Variants in PCLO observed in about 807,000 individuals in gnomAD.
The protein encoded by PCLO is protein piccolo.
A neutral mutation model predicts 427.5 loss-of-function variants in PCLO; 82 were observed. That is an observed-to-expected ratio of 0.19 (90% CI 0.16 to 0.23). The LOEUF is 0.23. Among genes scored for constraint, PCLO ranks in the 10% least tolerant of loss-of-function variants. PCLO has a pLI of 1.00. For synonymous variants in PCLO, 2,357 were observed against 2,155.4 expected, an observed-to-expected ratio of 1.09 and a Z score of -2.59; for missense variants, 6,239 against 6,115.9, an observed-to-expected ratio of 1.02 and a Z score of -0.67.
chr7:82,873,575 AACACATTCACTATTAAGTGC>A (rs1425130319), intron 10 of PCLO, among the ~76,000 whole-genome samples: 2 of 152,284 alleles, frequency 1.3e-5, no homozygotes, highest in African/African-American at 4.8e-5. Context: ...CTGAGAGCAA[AACACATTCACTATTAAGTGC>A]AAATGAATCA....
intron 8 of PCLO, 62 bp from the exon 9 acceptor site, chr7:82,902,803 A>C (rs186006847): frequency 2.6e-6 from 2 of 782,168 alleles, no homozygotes; most frequent in Admixed American, 4.1e-5. Context: ...TGCAATATAC[A>C]TAATTAGAAT....
Position 83,048,203 on chromosome 7 carries a change from T to C in PCLO, c.3301-81716A>G, listed in dbSNP as rs532100861. The stretch of plus-strand genomic sequence containing the variant: ...TATTTAGAATTTAAATTTCAGATTG[T>C]TATAGGATTATGGCATTACTATATC... On this transcript the variant is annotated intron_variant, in intron 3 of 24. Coordinates refer to ENST00000333891, the MANE Select transcript of PCLO (RefSeq NM_033026.6). Among the ~76,000 whole-genome samples, 6 of 152,236 alleles carry C rather than the reference T, an allele frequency of 3.9e-5. No individual in the cohort carries two copies. In the South Asian group the frequency reaches 1.2e-3, roughly 32 times the overall value.
intron 18 of PCLO, among the ~76,000 whole-genome samples, chr7:82,826,336 A>C: frequency 6.6e-6 from 1 of 152,238 alleles, no homozygotes; most frequent in Non-Finnish European, 1.5e-5. Flanking sequence ...TCACAGTATG[A>C]TTACATATCT....
chr7:82,884,367 AAC>A (rs1348050964), intron 9 of PCLO, among the ~76,000 whole-genome samples: 64 of 152,134 alleles, frequency 4.2e-4, no homozygotes, highest in Non-Finnish European at 5.9e-5. Flanking sequence ...GGCTTTGTGG[AAC>A]ACACTTTTCA....
chr7:83,094,218 T>C (rs570198660), intron 3 of PCLO, among the ~76,000 whole-genome samples: 9 of 148,284 alleles, frequency 6.1e-5, no homozygotes, highest in African/African-American at 2.2e-4. Context: ...TTCTTTTTTT[T>C]TTTTTTTTTG....
At chr7:82,881,323 G>A (rs1321274523) in intron 9 of PCLO, among the ~76,000 whole-genome samples, 4 of 152,184 alleles carry the variant, frequency 2.6e-5, no homozygotes, top group Admixed American at 2.0e-4. Context: ...TGAAGGTGAA[G>A]TAGTTGGGTC....
chr7:82,956,865 G>A lies in PCLO; in HGVS notation c.4088C>T (p.Thr1363Met), dbSNP rs370195239. The A allele has an allele frequency of 1.6e-5, 26 of 1,613,664 alleles. No individual in the cohort carries two copies. The highest frequency in any genetic ancestry group is 3.3e-5 in the Admixed American group (2 of 59,992). ...TGATATTCCATCGGAAGAATATCCC[G>A]TGTCGCTCAGACCTTGGGGGCTTTT... Reference protein sequence around the residue: ...QPKSPQGLSDTGYSSDGISSS... With the variant: ...QPKSPQGLSDMGYSSDGISSS... Residue 1363 changes from threonine to methionine, a missense_variant, in exon 5 of 25, where the codon ACG becomes ATG. By Grantham distance (81) the Thr-to-Met change is moderately conservative. Coordinates refer to ENST00000333891, the MANE Select transcript of PCLO (RefSeq NM_033026.6).
rs895301141 is a variant in PCLO at position 83,136,082 on chromosome 7, A to C, written c.1894-426T>G. On this transcript the variant is annotated intron_variant, in intron 2 of 24. Transcript: ENST00000333891. ...CATTGCACTCCAACCTGGGTGACAG[A>C]GTGAGACTCTGTCTCAAAAAAAAAA... Among the ~76,000 whole-genome samples the C allele has an allele frequency of 3.9e-5, 6 of 151,994 alleles. 1 individual carries two copies. In the East Asian group the frequency reaches 1.2e-3, roughly 29 times the overall value.
In PCLO at chr7:82,951,214, T is replaced by A. The variant is rs763621039; in HGVS notation, c.9374A>T (p.Asp3125Val). 1.2e-6 allele frequency: 2 copies of A among 1,613,638 alleles called. No homozygotes were observed. Among genetic ancestry groups the A allele is most frequent in the Admixed American group, 3.3e-5 (2 of 59,988 alleles). ...VRDLSGIHTA[D>V]AVTSLPAMHH... ...CATGGCAGGTAATGAAGTCACTGCA[T>A]CAGCCGTATGAATACCAGACAAATC... Residue 3125 changes from aspartate (D) to valine (V), a missense_variant, in exon 6 of 25, where the codon GAT becomes GTT. Physicochemically the swap from Asp to Val is radical, Grantham distance 152. Coordinates refer to ENST00000333891, the MANE Select transcript of PCLO (RefSeq NM_033026.6).
intron 10 of PCLO, among the ~76,000 whole-genome samples, chr7:82,866,188 T>C (rs1200607816): frequency 6.6e-6 from 1 of 152,156 alleles, no homozygotes; most frequent in Non-Finnish European, 1.5e-5. Flanking sequence ...CCCTCCTTGG[T>C]GGCTTTACTG....
intron 20 of PCLO, chr7:82,821,531 G>A (rs1791791110): frequency 5.1e-6 from 5 of 982,676 alleles, no homozygotes; most frequent in Non-Finnish European, 6.0e-6. Context: ...CCTGGCTAAT[G>A]CCTTTTAGAA....
At chr7:83,132,224 T>C (rs1791593001) in intron 3 of PCLO, among the ~76,000 whole-genome samples, 2 of 152,162 alleles carry the variant, frequency 1.3e-5, no homozygotes, top group Admixed American at 6.5e-5. Flanking sequence ...GGAATACTAG[T>C]TGCTTTTGTT....
At chr7:82,976,942 A>T (rs1164623806) in intron 3 of PCLO, among the ~76,000 whole-genome samples, 2 of 152,078 alleles carry the variant, frequency 1.3e-5, no homozygotes, top group East Asian at 3.9e-4. Flanking sequence ...CTGGTCTCAA[A>T]CTCCTGGGCC....
chr7:83,084,461 C>T (rs1285338307), intron 3 of PCLO, among the ~76,000 whole-genome samples: 4 of 151,984 alleles, frequency 2.6e-5, no homozygotes, highest in South Asian at 4.1e-4. Context: ...TTAAAAGCAC[C>T]ATGTCTCATT....
intron 10 of PCLO, among the ~76,000 whole-genome samples, chr7:82,857,019 C>T (rs1209703502): frequency 1.3e-5 from 2 of 152,032 alleles, no homozygotes; most frequent in Middle Eastern, 3.2e-3. Context: ...AAGAGCATGC[C>T]TCTTCACTAT....
intron 3 of PCLO, among the ~76,000 whole-genome samples, chr7:83,102,786 A>T (rs906240594): frequency 1.3e-5 from 2 of 151,936 alleles, no homozygotes; most frequent in Admixed American, 6.6e-5. Context: ...TCTTAAAAAA[A>T]TCCTTGTAAA....
At chr7:82,866,926 T>C (rs12155403) in intron 10 of PCLO, among the ~76,000 whole-genome samples, 11,233 of 152,190 alleles carry the variant, frequency 0.074, 586 homozygotes, top group East Asian at 0.17. Flanking sequence ...TGAAGGTTAG[T>C]TGGAATTCTT....
chr7:82,838,105 A>C (rs1792273213), intron 15 of PCLO, 113 bp downstream of exon 15: 2 of 734,612 alleles, frequency 2.7e-6, no homozygotes, highest in Non-Finnish European at 4.4e-6. Context: ...ATGTGGAGGA[A>C]AGTAAGGAAA....
rs1790282765 is a variant in PCLO at position 82,754,787 on chromosome 7, T to C, written c.*3788A>G. The C allele has an allele frequency of 6.6e-6, 1 of 152,090 alleles. No individual in the cohort carries two copies. Among genetic ancestry groups the C allele is most frequent in the Non-Finnish European group, 1.5e-5 (1 of 67,958 alleles). 9.4% of individuals were successfully genotyped at this position (152,090 alleles called of 1,614,324 possible). A position where few individuals can be genotyped will look rare whatever the true frequency, so the allele number is the denominator to read the frequency against. On this transcript the variant is annotated 3_prime_UTR_variant, in exon 25 of 25. Transcript: ENST00000333891. ...CCAAGGCAAGTAATTATTAAATAAA[T>C]AGCTCATAATTATTCATTGAGTCTT...
Sources: allele counts gnomAD v4.1 joint callset (sites outside exome capture counted in the v4.1 genomes callset), GRCh38; gene constraint gnomAD v4.1.1; transcripts MANE v1.5; gene names NCBI Gene and HGNC (gene_info 2026-07-23, HGNC 2026-07-21).